ZNRD2: variants seen among roughly 807,000 people sequenced by gnomAD.
ZNRD2 encodes the protein protein ZNRD2.
A neutral mutation model predicts 22.0 loss-of-function variants in ZNRD2; 16 were observed. The observed-to-expected ratio is 0.73, with a 90% CI of 0.49 to 1.11. The LOEUF (loss-of-function observed/expected upper bound fraction) is 1.11. Ranked by LOEUF, ZNRD2 falls within the 50% of genes least tolerant of loss-of-function variation. The probability of loss-of-function intolerance (pLI) is 0.00; values close to 1 mark genes in which losing one functional copy is unlikely to be tolerated. For missense variants in ZNRD2, 269 were observed against 258.9 expected (o/e 1.04, Z -0.27); for synonymous variants, 105 against 109.8 (o/e 0.96, Z 0.27).
intron 2 of ZNRD2, 28 bp from the exon 3 acceptor site, chr11:65,570,858 C>G (rs749242012): frequency 1.9e-6 from 3 of 1,613,926 alleles, no homozygotes; most frequent in Admixed American, 3.3e-5. Flanking sequence ...GCGTCTCATT[C>G]CGGCCCCGTG....
chr11:65,571,184 A>G (rs1451287397), intron 3 of ZNRD2, among the ~76,000 whole-genome samples: 1 of 152,206 alleles, frequency 6.6e-6, no homozygotes, highest in African/African-American at 2.4e-5. Context: ...CCACTGCGCG[A>G]GAGTCTGAGC....
At chr11:65,571,151 A>C (rs1218822958) in intron 3 of ZNRD2, among the ~76,000 whole-genome samples, 181 bp downstream of exon 3, 1 of 152,188 alleles carries the variant, frequency 6.6e-6, no homozygotes, top group African/African-American at 2.4e-5. Flanking sequence ...CAATAAGAGC[A>C]CCAAGCACCT....
chr11:65,571,225 A>C (rs1270845934), intron 3 of ZNRD2, among the ~76,000 whole-genome samples, 166 bp from the exon 4 acceptor site: 4 of 152,198 alleles, frequency 2.6e-5, no homozygotes, highest in Non-Finnish European at 4.4e-5. Context: ...TGGAGAATTG[A>C]AGCTAGGGCA....
At position 65,570,591 on chromosome 11, in the gene ZNRD2, C is replaced by A. The variant is rs763841053; in HGVS notation, c.20-13C>A. The A allele has an allele frequency of 5.6e-6, 9 of 1,613,826 alleles. No individual in the cohort carries two copies. The highest frequency in any genetic ancestry group is 1.3e-5 in the African/African-American group (1 of 74,924). On this transcript the variant is annotated splice_polypyrimidine_tract_variant and intron_variant, in intron 1 of 3. Coordinates refer to ENST00000309328, the MANE Select transcript of ZNRD2 (RefSeq NM_006396.3). ...CCGGCAAGACCCCCAGTCCCTATGC[C>A]TCTCTTCCCCAGAAGTCGACGACTT...
At position 65,571,489 on chromosome 11, in the gene ZNRD2, G is replaced by A; in HGVS notation, c.355G>A (p.Val119Ile). 1 of 1,613,812 alleles carries A rather than the reference G, an allele frequency of 6.2e-7. No individual in the cohort carries two copies. Among genetic ancestry groups the A allele is most frequent in the Non-Finnish European group, 8.5e-7 (1 of 1,180,028 alleles). ...CTCTCGACCTGCGCCCCAGCCCCCA[G>A]TACCTCGTCCGGAGCACTGTGAGGG... is the stretch of plus-strand genomic sequence containing the variant. ...LGSRPAPQPP[V>I]PRPEHCEGAA... The change falls in exon 4 of 4, where the codon GTA becomes ATA. Residue 119 changes from valine (V) to isoleucine (I), a missense_variant. Val to Ile is a conservative substitution (Grantham distance 29, BLOSUM62 3). Coordinates refer to ENST00000309328, the MANE Select transcript of ZNRD2 (RefSeq NM_006396.3).
In ZNRD2 at chr11:65,570,691, G is replaced by A. The variant is rs769748390; in HGVS notation, c.107G>A (p.Arg36Gln). 2 of 1,613,712 alleles carry A rather than the reference G, an allele frequency of 1.2e-6. No individual in the cohort carries two copies. Among genetic ancestry groups the A allele is most frequent in the African/African-American group, 1.3e-5 (1 of 74,954 alleles). ...CGGGAGCGGCAAGATCGCATCTCCC[G>A]GCTCATGGGCGACTATCTGCTGCGC... ...ARRERQDRIS[R>Q]LMGDYLLRGY... is the part of the protein sequence containing the mutation. Residue 36 changes from arginine (R) to glutamine (Q), a missense_variant, in exon 2 of 4, where the codon CGG becomes CAG. Transcript: ENST00000309328.
At chr11:65,571,355 A>T in intron 3 of ZNRD2, 36 bp from the exon 4 acceptor site, 1 of 1,547,404 alleles carries the variant, frequency 6.5e-7, no homozygotes, top group Non-Finnish European at 8.7e-7. Context: ...TGGGCCAGGC[A>T]TCCTGACCAT....
chr11:65,571,103 A>T, intron 3 of ZNRD2, 133 bp downstream of exon 3: 1 of 903,276 alleles, frequency 1.1e-6, no homozygotes, highest in Non-Finnish European at 1.7e-6. Flanking sequence ...TAGAAGTAAA[A>T]TTATTTCTCC....
chr11:65,571,673 T>C lies in ZNRD2; in HGVS notation c.539T>C (p.Leu180Pro). 6.2e-7 allele frequency: 1 copy of C among 1,614,004 alleles called. No homozygotes were observed. The highest frequency in any genetic ancestry group is 2.2e-5 in the East Asian group (1 of 44,888). ...ACCTCCCTGGAGACTAGCATCCAGC[T>C]GTGTGGCCTTATCCGCGCATGTGCG... ...SSTSLETSIQ[L>P]CGLIRACAEA... The change falls in exon 4 of 4, where the codon CTG (leucine) becomes CCG (proline). Residue 180 changes from leucine (L) to proline (P), a missense_variant. Physicochemically the swap from Leu to Pro is moderately conservative, Grantham distance 98. Transcript: ENST00000309328.
At position 65,571,665 on chromosome 11, in the gene ZNRD2, C is replaced by T; in HGVS notation, c.531C>T (p.Ser177=). The T allele has an allele frequency of 1.2e-6, 2 of 1,614,056 alleles. No homozygotes were observed. Among genetic ancestry groups the T allele is most frequent in the South Asian group, 1.1e-5 (1 of 91,086 alleles). The change falls in exon 4 of 4, where the codon AGC becomes AGT. Residue 177 remains serine (S), a synonymous_variant. Coordinates refer to ENST00000309328, the MANE Select transcript of ZNRD2 (RefSeq NM_006396.3). ...ELGSSTSLET[S]IQLCGLIRAC... ...GCTCTAGCACCTCCCTGGAGACTAG[C>T]ATCCAGCTGTGTGGCCTTATCCGCG...
At position 65,570,661 on chromosome 11, in the gene ZNRD2, C is replaced by A; in HGVS notation, c.77C>A (p.Ala26Glu). Residue 26 changes from alanine to glutamate, a missense_variant, in exon 2 of 4, where the codon GCG (alanine) becomes GAG (glutamate). Coordinates refer to ENST00000309328, the MANE Select transcript of ZNRD2 (RefSeq NM_006396.3). Reference sequence around the variant, plus strand: ...GAGGCGGAGACGAAGGTGCTGCAGGCGCGACGGGAGCGGCAAGATCGCATC... The same window carrying A: ...GAGGCGGAGACGAAGGTGCTGCAGGAGCGACGGGAGCGGCAAGATCGCATC... ...PTEAETKVLQ[A>E]RRERQDRISR... 1.2e-6 allele frequency: 2 copies of A among 1,613,812 alleles called. No individual in the cohort carries two copies. The highest frequency in any genetic ancestry group is 1.1e-5 in the South Asian group (1 of 91,082).
chr11:65,571,800 G>A lies in ZNRD2; in HGVS notation c.*66G>A. ...CCTCTGTGTGGTTTGTTTTTTTCCTGGTTCCAAGTGTGCATGCCAGCCCCA... is the reference window on the plus strand; with the variant it reads ...CCTCTGTGTGGTTTGTTTTTTTCCTAGTTCCAAGTGTGCATGCCAGCCCCA... On this transcript the variant is annotated 3_prime_UTR_variant, in exon 4 of 4. Transcript: ENST00000309328. 1 of 1,470,236 alleles carries A rather than the reference G, an allele frequency of 6.8e-7. No homozygotes were observed. 91.1% of individuals were successfully genotyped at this position (1,470,236 alleles called of 1,614,324 possible). A position where few individuals can be genotyped will look rare whatever the true frequency, so the allele number is the denominator to read the frequency against.
chr11:65,570,729 C>T lies in ZNRD2; in HGVS notation c.145C>T (p.Leu49=), dbSNP rs1393324801. The stretch of plus-strand genomic sequence containing the variant: ...CTATCTGCTGCGCGGTTACCGCATG[C>T]TGGGCGAGACGTGTGCGGACTGCGG... ...GDYLLRGYRM[L]GETCADCGTI... The change falls in exon 2 of 4, where the codon CTG becomes TTG. Residue 49 remains leucine (L), a synonymous_variant. Coordinates refer to ENST00000309328, the MANE Select transcript of ZNRD2 (RefSeq NM_006396.3). 6.2e-7 allele frequency: 1 copy of T among 1,613,840 alleles called. No individual in the cohort carries two copies. The highest frequency in any genetic ancestry group is 8.5e-7 in the Non-Finnish European group (1 of 1,179,946).
rs1278270043 is a variant in ZNRD2, at chr11:65,571,730, A to G, written c.596A>G (p.His199Arg). 4 of 1,594,150 alleles carry G rather than the reference A, an allele frequency of 2.5e-6. No homozygotes were observed. Among genetic ancestry groups the G allele is most frequent in the Non-Finnish European group, 3.4e-6 (4 of 1,170,040 alleles). ...EALRSLQQLQ[H>R] ...CTGCGCAGCCTGCAGCAGCTACAGC[A>G]CTAAGAGAAGCCCCTGAGAAAAACC... The change falls in exon 4 of 4, where the codon CAC (histidine) becomes CGC (arginine). Residue 199 changes from histidine to arginine, a missense_variant. By Grantham distance (29) the His-to-Arg change is conservative. Transcript: ENST00000309328.
rs1314256376 is a variant in ZNRD2 at position 65,571,718 on chromosome 11, A to C, written c.584A>C (p.Gln195Pro). ...RACAEALRSL[Q>P]QLQH ...TGTGCGGAGGCCCTGCGCAGCCTGC[A>C]GCAGCTACAGCACTAAGAGAAGCCC... The change falls in exon 4 of 4, where the codon CAG becomes CCG. Residue 195 changes from glutamine (Q) to proline (P), a missense_variant. Transcript: ENST00000309328. 2 of 1,609,638 alleles carry C rather than the reference A, an allele frequency of 1.2e-6. No homozygotes were observed. The highest frequency in any genetic ancestry group is 2.7e-5 in the African/African-American group (2 of 74,752).
rs764039631 is a variant in ZNRD2, at chr11:65,571,712, G to T, written c.578G>T (p.Ser193Ile). 8.1e-6 allele frequency: 13 copies of T among 1,610,596 alleles called. No individual in the cohort carries two copies. Among genetic ancestry groups the T allele is most frequent in the Non-Finnish European group, 1.1e-5 (13 of 1,178,116 alleles). ...CGCGCATGTGCGGAGGCCCTGCGCA[G>T]CCTGCAGCAGCTACAGCACTAAGAG... Reference protein sequence around the residue: ...LIRACAEALRSLQQLQH With the variant: ...LIRACAEALRILQQLQH The change falls in exon 4 of 4, where the codon AGC becomes ATC. Residue 193 changes from serine (S) to isoleucine (I), a missense_variant. Physicochemically the swap from Ser to Ile is moderately radical, Grantham distance 142 (BLOSUM62 -2). Coordinates refer to ENST00000309328, the MANE Select transcript of ZNRD2 (RefSeq NM_006396.3).
rs1200252151 is a variant in ZNRD2 at position 65,570,888 on chromosome 11, G to C, written c.174G>C (p.Thr58=). ...MLGETCADCG[T]ILLQDKQRKI... is the part of the protein sequence containing the mutation. ...CCCGTGTGCTTTTTGGTCCGTAGAC[G>C]ATCCTCCTCCAAGACAAACAGCGGA... is the stretch of plus-strand genomic sequence containing the variant. Residue 58 remains threonine, a splice_region_variant and synonymous_variant, in exon 3 of 4, where the codon ACG becomes ACC. Transcript: ENST00000309328. The C allele has an allele frequency of 5.6e-6, 9 of 1,614,116 alleles. No homozygotes were observed. The highest frequency in any genetic ancestry group is 7.6e-6 in the Non-Finnish European group (9 of 1,180,010).
chr11:65,570,679 A>T lies in ZNRD2; in HGVS notation c.95A>T (p.Asp32Val). The T allele has an allele frequency of 6.2e-7, 1 of 1,613,864 alleles. No homozygotes were observed. The highest frequency in any genetic ancestry group is 1.1e-5 in the South Asian group (1 of 91,086). The change falls in exon 2 of 4, where the codon GAT becomes GTT. Residue 32 changes from aspartate to valine, a missense_variant. By Grantham distance (152) the Asp-to-Val change is radical (BLOSUM62 -3). Transcript: ENST00000309328. ...KVLQARRERQ[D>V]RISRLMGDYL... Reference sequence around the variant, plus strand: ...CTGCAGGCGCGACGGGAGCGGCAAGATCGCATCTCCCGGCTCATGGGCGAC... The same window carrying T: ...CTGCAGGCGCGACGGGAGCGGCAAGTTCGCATCTCCCGGCTCATGGGCGAC...
Position 65,571,435 on chromosome 11 carries a change from C to T in ZNRD2, c.301C>T (p.Leu101=). ...CCTCTCCCAAGCTCGGGAGCACCAG[C>T]TGGCCTCAGCCTCAGAGCTCCCCCT... ...AALSQAREHQ[L]ASASELPLGS... Residue 101 remains leucine, a synonymous_variant, in exon 4 of 4, where the codon CTG becomes TTG. Transcript: ENST00000309328. 2 of 1,610,996 alleles carry T rather than the reference C, an allele frequency of 1.2e-6. No individual in the cohort carries two copies. The highest frequency in any genetic ancestry group is 1.7e-6 in the Non-Finnish European group (2 of 1,178,082).
Sources: allele counts gnomAD v4.1 joint callset (sites outside exome capture counted in the v4.1 genomes callset), GRCh38; gene constraint gnomAD v4.1.1; transcripts MANE v1.5; gene names NCBI Gene and HGNC (gene_info 2026-07-23, HGNC 2026-07-21).